The following ASIC2 variants were observed in gnomAD, a reference collection of about 807,000 sequenced individuals.
ASIC2 encodes the protein acid sensing ion channel subunit 2.
In ASIC2, 25 loss-of-function variants were observed where a neutral mutation model predicts 57.3. The ratio of observed to expected loss-of-function variants is 0.44; its 90% confidence interval spans 0.32 to 0.61. ASIC2 has a LOEUF of 0.61. ASIC2 is among the 20% of genes least tolerant of loss of function. The probability of loss-of-function intolerance (pLI) is 0.06; values close to 1 mark genes in which losing one functional copy is unlikely to be tolerated. For synonymous variants in ASIC2, 319 were observed against 307.5 expected (o/e 1.04, Z -0.39); for missense variants, 641 against 738.1 (o/e 0.87, Z 1.52).
At chr17:34,031,252 G>T (rs1311505992) in intron 1 of ASIC2, among the ~76,000 whole-genome samples, 1 of 152,168 alleles carries the variant, frequency 6.6e-6, no homozygotes. Flanking sequence ...AGGCAAACAG[G>T]GTCTGGAGTG....
At chr17:33,034,761 G>T (rs755710865) in intron 3 of ASIC2, among the ~76,000 whole-genome samples, 7 of 151,894 alleles carry the variant, frequency 4.6e-5, no homozygotes, top group Non-Finnish European at 1.0e-4. Flanking sequence ...CTTTTCTCTC[G>T]GTCTTTGCTT....
chr17:34,057,943 C>A (rs1003500722), intron 1 of ASIC2, among the ~76,000 whole-genome samples: 1 of 151,642 alleles, frequency 6.6e-6, no homozygotes, highest in Non-Finnish European at 1.5e-5. Flanking sequence ...TAGTAACAAA[C>A]CTCCAAGAGC....
chr17:33,800,571 T>C (rs957374432), intron 1 of ASIC2, among the ~76,000 whole-genome samples: 4 of 152,154 alleles, frequency 2.6e-5, no homozygotes, highest in Admixed American at 2.0e-4. Context: ...ACAATCATAA[T>C]AATCAAGGGG....
intron 1 of ASIC2, among the ~76,000 whole-genome samples, chr17:33,639,019 C>T (rs1226538249): frequency 2.0e-5 from 3 of 151,786 alleles, no homozygotes; most frequent in Non-Finnish European, 1.5e-5. Flanking sequence ...CCTCCGTTCC[C>T]CAAAGCAAAG....
chr17:33,018,246 C>A (rs183481431), intron 7 of ASIC2, among the ~76,000 whole-genome samples: 2 of 152,176 alleles, frequency 1.3e-5, no homozygotes, highest in Non-Finnish European at 2.9e-5. Context: ...GGTTTATAGG[C>A]CCCCATTATT....
chr17:33,842,103 C>T (rs1411010879), intron 1 of ASIC2, among the ~76,000 whole-genome samples: 3 of 152,152 alleles, frequency 2.0e-5, no homozygotes, highest in Admixed American at 1.3e-4. Context: ...ACGACATAAC[C>T]GCATGGCCCA....
At chr17:33,060,759 C>T (rs1222607403) in intron 3 of ASIC2, among the ~76,000 whole-genome samples, 3 of 152,136 alleles carry the variant, frequency 2.0e-5, no homozygotes, top group Non-Finnish European at 2.9e-5. Context: ...GGCAGTATGG[C>T]CATTTTCACG....
At chr17:33,217,835 C>G (rs1405150680) in intron 1 of ASIC2, among the ~76,000 whole-genome samples, 1 of 152,230 alleles carries the variant, frequency 6.6e-6, no homozygotes, top group African/African-American at 2.4e-5. Context: ...GCCTGTTTCT[C>G]CTTTTCTTTC....
At position 33,666,469 on chromosome 17, in the gene ASIC2, A is replaced by G. The variant is rs1356092232; in HGVS notation, c.555+489509T>C. ...TCAGACTACTACTGTGAGAGCCAAGAGGCTCAAAGCCCCCAGAGGGTGACT... is the reference window on the plus strand; with the variant it reads ...TCAGACTACTACTGTGAGAGCCAAGGGGCTCAAAGCCCCCAGAGGGTGACT... On this transcript the variant is annotated intron_variant, in intron 1 of 9. Transcript: ENST00000359872. Among the ~76,000 whole-genome samples the G allele has an allele frequency of 2.0e-5, 3 of 152,310 alleles. No homozygotes were observed. In the East Asian group the frequency reaches 5.8e-4, roughly 29 times the overall value.
chr17:33,170,082 A>T (rs1406283017), intron 1 of ASIC2, among the ~76,000 whole-genome samples: 1 of 152,226 alleles, frequency 6.6e-6, no homozygotes, highest in Non-Finnish European at 1.5e-5. Context: ...GGAAACACGC[A>T]CAGTCATTAT....
chr17:33,575,972 A>G (rs1433624276), intron 1 of ASIC2, among the ~76,000 whole-genome samples: 1 of 152,210 alleles, frequency 6.6e-6, no homozygotes, highest in Non-Finnish European at 1.5e-5. Flanking sequence ...CGATTTGGAA[A>G]CAGAGTCCAT....
chr17:33,604,524 T>C (rs1208668673), intron 1 of ASIC2, among the ~76,000 whole-genome samples: 1 of 152,108 alleles, frequency 6.6e-6, no homozygotes, highest in Admixed American at 6.5e-5. Flanking sequence ...CAAACAGTTG[T>C]GGAGCACAGG....
At chr17:33,387,448 G>A (rs1909726858) in intron 1 of ASIC2, among the ~76,000 whole-genome samples, 1 of 152,228 alleles carries the variant, frequency 6.6e-6, no homozygotes, top group Admixed American at 6.5e-5. Flanking sequence ...TACCAACAGA[G>A]AAATGGTTAG....
At chr17:33,806,670 C>T (rs1337560740) in intron 1 of ASIC2, among the ~76,000 whole-genome samples, 1 of 152,206 alleles carries the variant, frequency 6.6e-6, no homozygotes, top group Non-Finnish European at 1.5e-5. Flanking sequence ...ATCTTTAGAG[C>T]ACTTTTGCAC....
intron 1 of ASIC2, among the ~76,000 whole-genome samples, chr17:33,754,365 G>A (rs897662322): frequency 6.6e-6 from 1 of 151,958 alleles, no homozygotes; most frequent in South Asian, 2.1e-4. Context: ...TCTGGGCTCC[G>A]GATGTCACAC....
intron 1 of ASIC2, among the ~76,000 whole-genome samples, chr17:33,455,854 T>C (rs1057231548): frequency 7.2e-5 from 11 of 152,224 alleles, no homozygotes; most frequent in Non-Finnish European, 4.4e-5. Context: ...CTTAGAACTA[T>C]GCGAATCAAA....
intron 1 of ASIC2, among the ~76,000 whole-genome samples, chr17:33,393,490 C>G (rs1048004044): frequency 1.3e-5 from 2 of 152,150 alleles, no homozygotes; most frequent in Non-Finnish European, 2.9e-5. Flanking sequence ...AGCAACTTTC[C>G]TCATCCAGTG....
intron 1 of ASIC2, among the ~76,000 whole-genome samples, chr17:33,475,127 G>A (rs998393948): frequency 3.3e-5 from 5 of 151,034 alleles, no homozygotes; most frequent in Non-Finnish European, 7.4e-5. Context: ...AACCCAGCCT[G>A]AGACACTCTT....
chr17:33,870,983 C>T (rs1016567507), intron 1 of ASIC2, among the ~76,000 whole-genome samples: 2 of 151,402 alleles, frequency 1.3e-5, no homozygotes, highest in East Asian at 1.9e-4. Flanking sequence ...GCCCACCCCA[C>T]CCCCTGAGAT....
Sources: allele counts gnomAD v4.1 joint callset (sites outside exome capture counted in the v4.1 genomes callset), GRCh38; gene constraint gnomAD v4.1.1; transcripts MANE v1.5; gene names NCBI Gene and HGNC (gene_info 2026-07-23, HGNC 2026-07-21).